LEP: variants seen among roughly 807,000 people sequenced by gnomAD.
LEP encodes leptin.
A neutral mutation model predicts 9.8 loss-of-function variants in LEP; 6 were observed. That is an observed-to-expected ratio of 0.61 (90% CI 0.34 to 1.21). LEP has a LOEUF of 1.21. Among genes scored for constraint, LEP ranks in the 50% most tolerant of loss-of-function variants. The pLI is 0.04. For synonymous variants in LEP, 112 were observed against 81.7 expected (o/e 1.37, Z -2.00); for missense variants, 134 against 198.1 (o/e 0.68, Z 1.94).
At chr7:128,253,602 C>T (rs935685622) in intron 2 of LEP, among the ~76,000 whole-genome samples, 15 of 152,194 alleles carry the variant, frequency 9.9e-5, no homozygotes, top group South Asian at 6.2e-4. Context: ...GAGACTTCCA[C>T]GTCTCCTGGT....
intron 2 of LEP, among the ~76,000 whole-genome samples, chr7:128,252,487 T>C (rs1795287041): frequency 6.6e-6 from 1 of 152,188 alleles, no homozygotes; most frequent in African/African-American, 2.4e-5. Flanking sequence ...CCCAGCACTT[T>C]GGGAGGCCAA....
intron 1 of LEP, among the ~76,000 whole-genome samples, chr7:128,243,665 A>T (rs1795177585): frequency 6.6e-6 from 1 of 152,184 alleles, no homozygotes. Flanking sequence ...ACAACTCCGT[A>T]AGAATTCCTG....
In LEP at chr7:128,252,151, A is replaced by G. The variant is rs145044661; in HGVS notation, c.133A>G (p.Ile45Val). 40 of 1,614,068 alleles carry G rather than the reference A, an allele frequency of 2.5e-5. No homozygotes were observed. The African/African-American group carries it at 5.1e-4, about 20-fold the overall frequency. Residue 45 changes from isoleucine (I) to valine (V), a missense_variant, in exon 2 of 3, where the codon ATT becomes GTT. Physicochemically the swap from Ile to Val is conservative, Grantham distance 29. Transcript: ENST00000308868. Reference sequence around the variant, plus strand: ...GACAATTGTCACCAGGATCAATGACATTTCACACACGGTAAGGAGAGTATG... The same window carrying G: ...GACAATTGTCACCAGGATCAATGACGTTTCACACACGGTAAGGAGAGTATG... ...IKTIVTRINDISHTQSVSSKQ... is the reference protein window; with the variant it reads ...IKTIVTRINDVSHTQSVSSKQ...
rs28954111 is a variant in LEP, at chr7:128,254,297, G to A, written c.145-107G>A. 57,763 of 1,454,758 alleles carry A rather than the reference G, an allele frequency of 0.04. 1,415 individuals are homozygous for A. Among genetic ancestry groups the A allele is most frequent in the Non-Finnish European group, 0.047 (48,904 of 1,050,362 alleles). The allele number at this position is 1,454,758 out of a possible 1,614,324, so 90.1% of individuals were successfully genotyped here. Reference sequence around the variant, plus strand: ...CCAAAGTGGTGAGGGAGGGTGGAAGGAGGCAGCCCAGAGAATGACCCTCCA... The same window carrying A: ...CCAAAGTGGTGAGGGAGGGTGGAAGAAGGCAGCCCAGAGAATGACCCTCCA... On this transcript the variant is annotated intron_variant, in intron 2 of 2. Coordinates refer to ENST00000308868, the MANE Select transcript of LEP (RefSeq NM_000230.3).
In LEP at chr7:128,254,671, T is replaced by G; in HGVS notation, c.412T>G (p.Ser138Ala). 6.2e-7 allele frequency: 1 copy of G among 1,614,046 alleles called. No individual in the cohort carries two copies. Among genetic ancestry groups the G allele is most frequent in the Non-Finnish European group, 8.5e-7 (1 of 1,180,006 alleles). The change falls in exon 3 of 3, where the codon TCA (serine) becomes GCA (alanine). Residue 138 changes from serine to alanine, a missense_variant. Transcript: ENST00000308868. ...CAGCCTGGGGGGTGTCCTGGAAGCT[T>G]CAGGCTACTCCACAGAGGTGGTGGC... ...LDSLGGVLEA[S>A]GYSTEVVALS...
Position 128,255,091 on chromosome 7 carries a change from T to G in LEP, c.*328T>G. 2.7e-6 allele frequency: 1 copy of G among 364,340 alleles called. No homozygotes were observed. The allele number at this position is 364,340 out of a possible 1,614,324, so 22.6% of individuals were successfully genotyped here. A position where few individuals can be genotyped will look rare whatever the true frequency, so the allele number is the denominator to read the frequency against. On this transcript the variant is annotated 3_prime_UTR_variant, in exon 3 of 3. Coordinates refer to ENST00000308868, the MANE Select transcript of LEP (RefSeq NM_000230.3). ...CTTGACCCATCTCCCCCTCACTGAA[T>G]GCCTCAATGTGACCAGGGGTGATTT...
At position 128,252,152 on chromosome 7, in the gene LEP, T is replaced by A. The variant is rs781301976; in HGVS notation, c.134T>A (p.Ile45Asn). ...ACAATTGTCACCAGGATCAATGACA[T>A]TTCACACACGGTAAGGAGAGTATGC... ...IKTIVTRIND[I>N]SHTQSVSSKQ... Residue 45 changes from isoleucine (I) to asparagine (N), a missense_variant, in exon 2 of 3, where the codon ATT (isoleucine) becomes AAT (asparagine). By Grantham distance (149) the Ile-to-Asn change is moderately radical. Coordinates refer to ENST00000308868, the MANE Select transcript of LEP (RefSeq NM_000230.3). 1.2e-6 allele frequency: 2 copies of A among 1,614,164 alleles called. No homozygotes were observed. Among genetic ancestry groups the A allele is most frequent in the Non-Finnish European group, 8.5e-7 (1 of 1,180,032 alleles).
At chr7:128,254,270 A>T in intron 2 of LEP, 134 bp from the exon 3 acceptor site, 1 of 1,167,806 alleles carries the variant, frequency 8.6e-7, no homozygotes, top group Non-Finnish European at 1.3e-6. Context: ...CAAGGGCCTG[A>T]GCCAAAGTGG....
At chr7:128,251,402 G>T (rs891676056) in intron 1 of LEP, among the ~76,000 whole-genome samples, 1 of 152,196 alleles carries the variant, frequency 6.6e-6, no homozygotes, top group African/African-American at 2.4e-5. Context: ...GAAGCAAGTG[G>T]TAAAGGCCCT....
At chr7:128,242,458 C>G (rs1795162486) in intron 1 of LEP, among the ~76,000 whole-genome samples, 1 of 152,176 alleles carries the variant, frequency 6.6e-6, no homozygotes, top group Admixed American at 6.5e-5. Flanking sequence ...AGGCTTCTAG[C>G]AACGTGAGTG....
At position 128,255,839 on chromosome 7, in the gene LEP, C is replaced by G. The variant is rs200801798; in HGVS notation, c.*1076C>G. The G allele has an allele frequency of 6.6e-6, 1 of 152,224 alleles. No homozygotes were observed. Among genetic ancestry groups the G allele is most frequent in the African/African-American group, 2.4e-5 (1 of 41,450 alleles). 9.4% of individuals were successfully genotyped at this position (152,224 alleles called of 1,614,324 possible). A position where few individuals can be genotyped will look rare whatever the true frequency, so the allele number is the denominator to read the frequency against. On this transcript the variant is annotated 3_prime_UTR_variant, in exon 3 of 3. Coordinates refer to ENST00000308868, the MANE Select transcript of LEP (RefSeq NM_000230.3). ...GCCTGGAGAAGCTGATGCTTTGCTTCAAATCCATCCAGAATAAAACGCAAA... is the reference window on the plus strand; with the variant it reads ...GCCTGGAGAAGCTGATGCTTTGCTTGAAATCCATCCAGAATAAAACGCAAA...
intron 1 of LEP, among the ~76,000 whole-genome samples, chr7:128,244,261 ACAC>A (rs1426972667): frequency 1.4e-5 from 2 of 142,118 alleles, no homozygotes; most frequent in Non-Finnish European, 3.0e-5. Context: ...ACACACACAC[ACAC>A]ACACACACAC....
chr7:128,253,861 G>A (rs528907372), intron 2 of LEP, among the ~76,000 whole-genome samples: 8 of 152,362 alleles, frequency 5.3e-5, no homozygotes, highest in South Asian at 2.1e-4. Context: ...TAGTAACCAC[G>A]GAGGTGTCAG....
In LEP at chr7:128,252,300, A is replaced by ATT. The variant is rs1356954573; in HGVS notation, c.144+140_144+141dup. 3.1e-6 allele frequency: 3 copies of ATT among 974,904 alleles called. No individual in the cohort carries two copies. In the Admixed American group the frequency reaches 5.4e-5, roughly 18 times the overall value. 60.4% of individuals were successfully genotyped at this position (974,904 alleles called of 1,614,324 possible). A position where few individuals can be genotyped will look rare whatever the true frequency, so the allele number is the denominator to read the frequency against. ...AGGCACCTACTGGAAGCTGAGAAGG[A>ATT]TTTGAAAGCACAGGGCTCCACTCTT... is the stretch of plus-strand genomic sequence containing the variant. On this transcript the variant is annotated intron_variant, in intron 2 of 2. Coordinates refer to ENST00000308868, the MANE Select transcript of LEP (RefSeq NM_000230.3).
intron 1 of LEP, among the ~76,000 whole-genome samples, chr7:128,241,817 T>C (rs574639241): frequency 6.6e-6 from 1 of 152,294 alleles, no homozygotes; most frequent in African/African-American, 2.4e-5. Context: ...GGCCAATGCC[T>C]GGGAGGAAGG....
In LEP at chr7:128,254,774, G is replaced by C. The variant is rs573626161; in HGVS notation, c.*11G>C. On this transcript the variant is annotated 3_prime_UTR_variant, in exon 3 of 3. Coordinates refer to ENST00000308868, the MANE Select transcript of LEP (RefSeq NM_000230.3). ...AGCCCTGGGTGCTGAGGCCTTGAAG[G>C]TCACTCTTCCTGCAAGGACTACGTT... The C allele has an allele frequency of 5.6e-6, 9 of 1,605,826 alleles. No homozygotes were observed. In the East Asian group the frequency reaches 1.8e-4, roughly 32 times the overall value.
chr7:128,256,081 G>C lies in LEP; in HGVS notation c.*1318G>C, dbSNP rs200129463. 8.5e-5 allele frequency: 13 copies of C among 152,338 alleles called. No homozygotes were observed. Among genetic ancestry groups the C allele is most frequent in the Admixed American group, 5.9e-4 (9 of 15,304 alleles). The allele number at this position is 152,338 out of a possible 1,614,324, so 9.4% of individuals were successfully genotyped here. A position where few individuals can be genotyped will look rare whatever the true frequency, so the allele number is the denominator to read the frequency against. On this transcript the variant is annotated 3_prime_UTR_variant, in exon 3 of 3. Transcript: ENST00000308868. ...TTTGGGGCTTGCATGCCAAATTGTAGTTCTTGTCTGATTGGCTCACCCAAG... is the reference window on the plus strand; with the variant it reads ...TTTGGGGCTTGCATGCCAAATTGTACTTCTTGTCTGATTGGCTCACCCAAG...
At position 128,252,161 on chromosome 7, in the gene LEP, C is replaced by T. The variant is rs770247453; in HGVS notation, c.143C>T (p.Thr48Met). The change falls in exon 2 of 3, where the codon ACG (threonine) becomes ATG (methionine). Residue 48 changes from threonine (T) to methionine (M), a missense_variant and splice_region_variant. Transcript: ENST00000308868. The part of the protein sequence containing the change: ...IVTRINDISH[T>M]QSVSSKQKVT... ...ACCAGGATCAATGACATTTCACACACGGTAAGGAGAGTATGCGGGGACAAA... is the reference window on the plus strand; with the variant it reads ...ACCAGGATCAATGACATTTCACACATGGTAAGGAGAGTATGCGGGGACAAA... 33 of 1,614,016 alleles carry T rather than the reference C, an allele frequency of 2.0e-5. No homozygotes were observed. The highest frequency in any genetic ancestry group is 5.0e-5 in the Admixed American group (3 of 59,996).
chr7:128,254,400 A>G lies in LEP; in HGVS notation c.145-4A>G. 1 of 1,612,844 alleles carries G rather than the reference A, an allele frequency of 6.2e-7. No homozygotes were observed. The highest frequency in any genetic ancestry group is 1.6e-4 in the Middle Eastern group (1 of 6,062). On this transcript the variant is annotated splice_polypyrimidine_tract_variant and splice_region_variant and intron_variant, in intron 2 of 2. Coordinates refer to ENST00000308868, the MANE Select transcript of LEP (RefSeq NM_000230.3). ...CACTTGTTCTCCCTCTTCCTCCTGC[A>G]TAGCAGTCAGTCTCCTCCAAACAGA... is the stretch of plus-strand genomic sequence containing the variant.
Sources: allele counts gnomAD v4.1 joint callset (sites outside exome capture counted in the v4.1 genomes callset), GRCh38; gene constraint gnomAD v4.1.1; transcripts MANE v1.5; gene names NCBI Gene and HGNC (gene_info 2026-07-23, HGNC 2026-07-21).